MCTP2: variants seen among roughly 807,000 people sequenced by gnomAD.
MCTP2 encodes multiple C2 and transmembrane domain-containing protein 2.
In MCTP2, 132 loss-of-function variants were observed where a neutral mutation model predicts 111.6. That is an observed-to-expected ratio of 1.18 (90% CI 1.03 to 1.37). The LOEUF is 1.37. Ranked by LOEUF, MCTP2 falls within the 40% of genes most tolerant of loss-of-function variation. The pLI is 0.00. For missense variants in MCTP2, 1,183 were observed against 1,067.9 expected (o/e 1.11, Z -1.50); for synonymous variants, 395 against 387.7 (o/e 1.02, Z -0.22).
intron 19 of MCTP2, among the ~76,000 whole-genome samples, chr15:94,452,652 T>C (rs16949154): frequency 0.053 from 8,108 of 152,240 alleles, 694 homozygotes; most frequent in African/African-American, 0.18. Flanking sequence ...CAGGATCAGA[T>C]AAAACAGCCG....
At chr15:94,441,787 A>G (rs905372347) in intron 18 of MCTP2, among the ~76,000 whole-genome samples, 4 of 152,118 alleles carry the variant, frequency 2.6e-5, no homozygotes, top group Non-Finnish European at 4.4e-5. Flanking sequence ...ACTTCTCCCA[A>G]TTATAGCGTT....
intron 4 of MCTP2, among the ~76,000 whole-genome samples, chr15:94,327,755 C>T (rs899598258): frequency 6.6e-6 from 1 of 152,154 alleles, no homozygotes; most frequent in Non-Finnish European, 1.5e-5. Flanking sequence ...ATTCCTTTGC[C>T]ACTTGGTACA....
intron 18 of MCTP2, among the ~76,000 whole-genome samples, chr15:94,440,722 T>C (rs1285592222): frequency 6.6e-6 from 1 of 152,220 alleles, no homozygotes; most frequent in East Asian, 1.9e-4. Context: ...ATGTTCTCTC[T>C]GGCTTGAAGG....
chr15:94,318,429 A>G (rs1469286480), intron 4 of MCTP2, among the ~76,000 whole-genome samples: 3 of 152,134 alleles, frequency 2.0e-5, no homozygotes, highest in Admixed American at 1.3e-4. Context: ...GATTACAGGC[A>G]CGCACCACCA....
intron 17 of MCTP2, among the ~76,000 whole-genome samples, chr15:94,413,197 G>A (rs2082229589): frequency 6.6e-6 from 1 of 151,912 alleles, no homozygotes; most frequent in East Asian, 1.9e-4. Context: ...AATTTCTGTG[G>A]GCTACTTCTT....
intron 1 of MCTP2, among the ~76,000 whole-genome samples, chr15:94,264,391 G>A (rs945383207): frequency 2.0e-5 from 3 of 151,990 alleles, no homozygotes; most frequent in Non-Finnish European, 4.4e-5. Flanking sequence ...GGTGGATCAC[G>A]AGGTCAGGAG....
rs111718554 is a variant in MCTP2 at position 94,318,745 on chromosome 15, C to A, written c.637+3108C>A. ...TTACAGCAGATTCCGAGTAGATGGTCAGTACACTGATTAGATGATGAAGCC... is the reference window on the plus strand; with the variant it reads ...TTACAGCAGATTCCGAGTAGATGGTAAGTACACTGATTAGATGATGAAGCC... On this transcript the variant is annotated intron_variant, in intron 4 of 22. Coordinates refer to ENST00000357742, the MANE Select transcript of MCTP2 (RefSeq NM_001385001.1). Among the ~76,000 whole-genome samples the A allele has an allele frequency of 1.2e-3, 185 of 152,264 alleles. 1 individual carries two copies. Among genetic ancestry groups the A allele is most frequent in the Admixed American group, 3.1e-3 (48 of 15,290 alleles).
At chr15:94,371,220 A>G (rs1179275179) in intron 12 of MCTP2, among the ~76,000 whole-genome samples, 1 of 152,182 alleles carries the variant, frequency 6.6e-6, no homozygotes, top group Non-Finnish European at 1.5e-5. Context: ...AGATCCAAAA[A>G]TGGTTTTTGG....
chr15:94,309,813 G>C (rs2076045707), intron 2 of MCTP2, among the ~76,000 whole-genome samples: 1 of 152,110 alleles, frequency 6.6e-6, no homozygotes, highest in Non-Finnish European at 1.5e-5. Flanking sequence ...TAGCAAGGCA[G>C]AATGGAAATA....
At chr15:94,415,715 A>C (rs1376337441) in intron 17 of MCTP2, among the ~76,000 whole-genome samples, 1 of 151,676 alleles carries the variant, frequency 6.6e-6, no homozygotes, top group Non-Finnish European at 1.5e-5. Context: ...ACCCACATTT[A>C]GGACGTGATA....
chr15:94,412,941 T>C lies in MCTP2; in HGVS notation c.2085+10922T>C, dbSNP rs530727134. ...ATTAGCCGACTGTGGCCTCATTAAC[T>C]GCACCTCTTTCGGCAAATTTGATTT... is the stretch of plus-strand genomic sequence containing the variant. On this transcript the variant is annotated intron_variant, in intron 17 of 22. Transcript: ENST00000357742. Among the ~76,000 whole-genome samples, 11 of 152,362 alleles carry C rather than the reference T, an allele frequency of 7.2e-5. No homozygotes were observed. The East Asian group carries it at 1.2e-3, about 16-fold the overall frequency.
chr15:94,455,667 T>C (rs1398963036), intron 19 of MCTP2, among the ~76,000 whole-genome samples: 2 of 152,202 alleles, frequency 1.3e-5, no homozygotes, highest in East Asian at 1.9e-4. Flanking sequence ...CCTCGTTATC[T>C]GCCCGCCTTG....
At chr15:94,441,271 A>G (rs887050963) in intron 18 of MCTP2, among the ~76,000 whole-genome samples, 1 of 152,198 alleles carries the variant, frequency 6.6e-6, no homozygotes, top group Non-Finnish European at 1.5e-5. Context: ...TCAAAATTCT[A>G]TTCTGTTTGA....
chr15:94,476,646 A>G (rs2074381732), intron 21 of MCTP2, 50 bp from the exon 22 acceptor site: 4 of 886,342 alleles, frequency 4.5e-6, no homozygotes, highest in Non-Finnish European at 7.2e-6. Context: ...ATAGATAGAT[A>G]GATAGACAGA....
intron 20 of MCTP2, among the ~76,000 whole-genome samples, chr15:94,469,964 A>G (rs11074280): frequency 0.1 from 15,385 of 152,160 alleles, 815 homozygotes; most frequent in East Asian, 0.19. Context: ...TTGAGAGACA[A>G]TTGTTGAATT....
intron 21 of MCTP2, among the ~76,000 whole-genome samples, chr15:94,475,786 G>A (rs576382487): frequency 6.6e-6 from 1 of 152,144 alleles, no homozygotes; most frequent in African/African-American, 2.4e-5. Context: ...AAGACAAAAC[G>A]TGGTTGAGAG....
At chr15:94,243,647 A>G (rs1307154719) in intron 1 of MCTP2, among the ~76,000 whole-genome samples, 1 of 149,022 alleles carries the variant, frequency 6.7e-6, no homozygotes, top group Non-Finnish European at 1.5e-5. Context: ...ATACATATAT[A>G]TGTATACACA....
intron 12 of MCTP2, among the ~76,000 whole-genome samples, chr15:94,379,337 G>T (rs1386360513): frequency 6.6e-6 from 1 of 152,092 alleles, no homozygotes; most frequent in Non-Finnish European, 1.5e-5. Flanking sequence ...CAATTAAAAT[G>T]TGCTCCAATA....
chr15:94,321,422 CTAT>C (rs1200566759), intron 4 of MCTP2, among the ~76,000 whole-genome samples: 12 of 152,252 alleles, frequency 7.9e-5, no homozygotes, highest in Admixed American at 7.2e-4. Context: ...TAAATATGTA[CTAT>C]TATTATTAAT....
Sources: allele counts gnomAD v4.1 joint callset (sites outside exome capture counted in the v4.1 genomes callset), GRCh38; gene constraint gnomAD v4.1.1; transcripts MANE v1.5; gene names NCBI Gene and HGNC (gene_info 2026-07-23, HGNC 2026-07-21).